EPN2: variants seen among roughly 807,000 people sequenced by gnomAD.
EPN2 encodes the protein epsin-2.
In EPN2, 34 loss-of-function variants were observed where a neutral mutation model predicts 61.7. That is an observed-to-expected ratio of 0.55 (90% CI 0.42 to 0.73). The LOEUF is 0.73. Ranked by LOEUF, EPN2 falls within the 30% of genes least tolerant of loss-of-function variation. The pLI, the probability that EPN2 is intolerant of heterozygous loss-of-function variation, is 0.00. For missense variants in EPN2, 714 were observed against 839.2 expected (o/e 0.85, Z 1.84); for synonymous variants, 349 against 353.6 (o/e 0.99, Z 0.15).
chr17:19,310,974 G>A (rs758438807), intron 5 of EPN2, among the ~76,000 whole-genome samples: 13 of 152,184 alleles, frequency 8.5e-5, no homozygotes, highest in Non-Finnish European at 1.5e-4. Context: ...TTTGGTTGCA[G>A]TTATCAGGGC....
intron 4 of EPN2, chr17:19,303,822 A>T (rs928564891): frequency 6.6e-6 from 1 of 152,148 alleles, no homozygotes; most frequent in African/African-American, 2.4e-5. Context: ...TACCTGGTGT[A>T]GTCCGGGTGG....
At chr17:19,286,711 T>C (rs1488855732) in intron 4 of EPN2, among the ~76,000 whole-genome samples, 1 of 152,234 alleles carries the variant, frequency 6.6e-6, no homozygotes, top group Non-Finnish European at 1.5e-5. Flanking sequence ...CTTGTTTGAC[T>C]TGGGTATTTG....
In EPN2 at chr17:19,283,852, C is replaced by G; in HGVS notation, c.595+138C>G. 1.5e-6 allele frequency: 1 copy of G among 660,474 alleles called. No individual in the cohort carries two copies. Among genetic ancestry groups the G allele is most frequent in the Non-Finnish European group, 2.5e-6 (1 of 393,476 alleles). The allele number at this position is 660,474 out of a possible 1,614,324, so 40.9% of individuals were successfully genotyped here. On this transcript the variant is annotated intron_variant, in intron 3 of 10. Coordinates refer to ENST00000314728, the MANE Select transcript of EPN2 (RefSeq NM_014964.5). This position sits in a 1 kb window ranked among gnomAD's most constrained non-coding sequence, Gnocchi z 7.0. ...CCTCAGTACCCAGCTTTTGGTGGCC[C>G]AGGCAAATTGTCCTTGGTCTGGATT...
At chr17:19,326,940 C>G (rs937080553) in intron 7 of EPN2, among the ~76,000 whole-genome samples, 2 of 152,112 alleles carry the variant, frequency 1.3e-5, no homozygotes, top group African/African-American at 4.8e-5. Context: ...AAAAGATGCA[C>G]AGCCTCATTA....
At chr17:19,250,339 G>A (rs150845745) in intron 1 of EPN2, among the ~76,000 whole-genome samples, 1 of 152,022 alleles carries the variant, frequency 6.6e-6, no homozygotes, top group African/African-American at 2.4e-5. Context: ...CAAGTGATCC[G>A]CCTGTATCAG....
At position 19,301,998 on chromosome 17, in the gene EPN2, C is replaced by T. The variant is rs541599450; in HGVS notation, c.767-7887C>T. ...CTGAGTCTTGGCTCTGAGTTCTCATCCTGCCCCTGGGCGGCTGTGAGCCGC... is the reference window on the plus strand; with the variant it reads ...CTGAGTCTTGGCTCTGAGTTCTCATTCTGCCCCTGGGCGGCTGTGAGCCGC... On this transcript the variant is annotated intron_variant, in intron 4 of 10. Coordinates refer to ENST00000314728, the MANE Select transcript of EPN2 (RefSeq NM_014964.5). Among the ~76,000 whole-genome samples, 14 of 152,362 alleles carry T rather than the reference C, an allele frequency of 9.2e-5. No individual in the cohort carries two copies. The South Asian group carries it at 2.9e-3, about 32-fold the overall frequency.
intron 9 of EPN2, 115 bp from the exon 10 acceptor site, chr17:19,331,738 G>C (rs562061736): frequency 2.3e-4 from 192 of 827,748 alleles, no homozygotes; most frequent in Non-Finnish European, 3.6e-4. Context: ...GCTGTGTGTC[G>C]TCACGTGGCG....
intron 7 of EPN2, among the ~76,000 whole-genome samples, chr17:19,323,611 T>C (rs1457290732): frequency 2.6e-5 from 4 of 152,218 alleles, no homozygotes; most frequent in African/African-American, 7.2e-5. Context: ...AGCTAACTTA[T>C]TGACAGCAAC....
intron 4 of EPN2, among the ~76,000 whole-genome samples, chr17:19,298,498 C>T (rs1288295261): frequency 5.3e-5 from 8 of 152,156 alleles, no homozygotes; most frequent in African/African-American, 7.2e-5. Flanking sequence ...CCACGGCACC[C>T]GGCCTATTTA....
rs1597992758 is a variant in EPN2 at position 19,283,039 on chromosome 17, C to T, written c.-81C>T. ...CTCCAGCTTGATTACGGAGACTGAA[C>T]CTTCATAGGGTGCGCACTTACCAAG... On this transcript the variant is annotated 5_prime_UTR_variant, in exon 3 of 11. Transcript: ENST00000314728. The surrounding 1 kb of genome is among the most constrained non-coding windows in gnomAD (Gnocchi z 7.0). The T allele has an allele frequency of 1.0e-6, 1 of 970,380 alleles. No individual in the cohort carries two copies. The highest frequency in any genetic ancestry group is 1.5e-6 in the Non-Finnish European group (1 of 655,668). The allele number at this position is 970,380 out of a possible 1,614,324, so 60.1% of individuals were successfully genotyped here.
chr17:19,320,421 T>C (rs1436287228), intron 7 of EPN2, among the ~76,000 whole-genome samples: 1 of 152,146 alleles, frequency 6.6e-6, no homozygotes, highest in African/African-American at 2.4e-5. Context: ...GGCTTGTAAG[T>C]CTGAGCTGGG....
chr17:19,292,199 C>T (rs2045472312), intron 4 of EPN2, among the ~76,000 whole-genome samples: 1 of 152,226 alleles, frequency 6.6e-6, no homozygotes, highest in South Asian at 2.1e-4. Context: ...GGTGACAGAG[C>T]TCCAAGGTGC....
intron 1 of EPN2, among the ~76,000 whole-genome samples, chr17:19,268,603 G>A (rs2045223631): frequency 6.6e-6 from 1 of 152,204 alleles, no homozygotes; most frequent in Non-Finnish European, 1.5e-5. Context: ...TGCAGAGTTT[G>A]TATATCTTAT....
chr17:19,251,687 G>T (rs960824093), intron 1 of EPN2, among the ~76,000 whole-genome samples: 1 of 152,122 alleles, frequency 6.6e-6, no homozygotes, highest in African/African-American at 2.4e-5. Flanking sequence ...GCCCACCTTG[G>T]CTTCCCAAAG....
At chr17:19,240,366 C>G (rs1020621778) in intron 1 of EPN2, among the ~76,000 whole-genome samples, 1 of 152,192 alleles carries the variant, frequency 6.6e-6, no homozygotes, top group Non-Finnish European at 1.5e-5. Context: ...CCTGCCTAAC[C>G]TCCCGAGTAG....
In EPN2 at chr17:19,279,878, C is replaced by T. The variant is rs1282069963; in HGVS notation, c.-293-2077C>T. The T allele has an allele frequency of 6.0e-5, 9 of 151,078 alleles. 1 individual carries two copies. The highest frequency in any genetic ancestry group is 5.9e-4 in the Admixed American group (9 of 15,156). 9.4% of individuals were successfully genotyped at this position (151,078 alleles called of 1,614,324 possible). The stretch of plus-strand genomic sequence containing the variant: ...TTGAGACAGGGTCTCACTCTATCGC[C>T]CAGGCTGGAGTGCAGTGGCGCAATC... On this transcript the variant is annotated intron_variant, in intron 1 of 10. Coordinates refer to ENST00000314728, the MANE Select transcript of EPN2 (RefSeq NM_014964.5).
At chr17:19,332,979 A>C (rs1190149107) in intron 10 of EPN2, among the ~76,000 whole-genome samples, 4 of 152,192 alleles carry the variant, frequency 2.6e-5, no homozygotes, top group Non-Finnish European at 4.4e-5. Context: ...CACTGAACTT[A>C]CAGAGGCTGA....
chr17:19,308,083 T>G, intron 4 of EPN2: 1 of 964,146 alleles, frequency 1.0e-6, no homozygotes, highest in Non-Finnish European at 1.2e-6. Flanking sequence ...GAACATTTAT[T>G]TATTTTTTGA....
intron 1 of EPN2, among the ~76,000 whole-genome samples, chr17:19,249,830 T>C (rs543305489): frequency 6.6e-6 from 1 of 152,076 alleles, no homozygotes; most frequent in Non-Finnish European, 1.5e-5. Context: ...GGGGTCATGG[T>C]GTAGTTAGAG....
Sources: gnomAD v4.1 joint callset for allele counts (sites outside exome capture counted in the v4.1 genomes callset) on GRCh38, gnomAD v4.1.1 for gene constraint, Gnocchi (gnomAD v3.1) non-coding constraint, MANE v1.5 for transcripts, NCBI Gene and HGNC (gene_info 2026-07-23, HGNC 2026-07-21) for gene names.